Variants in CHRM3 observed in about 807,000 individuals in gnomAD.
CHRM3 encodes the protein muscarinic acetylcholine receptor M3.
Under a neutral mutation model 41.8 loss-of-function variants are expected in CHRM3, and 11 were observed. The ratio of observed to expected loss-of-function variants is 0.26; its 90% CI spans 0.17 to 0.44. The LOEUF (loss-of-function observed/expected upper bound fraction) is 0.44. Among genes scored for constraint, CHRM3 ranks in the 20% least tolerant of loss-of-function variants. The probability of loss-of-function intolerance (pLI) is 1.00; values close to 1 mark genes in which losing one functional copy is unlikely to be tolerated. For synonymous variants in CHRM3, 297 were observed against 301.4 expected, an observed-to-expected ratio of 0.99 and a Z score of 0.15; for missense variants, 571 against 745.4, an observed-to-expected ratio of 0.77 and a Z score of 2.72.
intron 6 of CHRM3, among the ~76,000 whole-genome samples, chr1:239,843,436 C>G (rs1673990933): frequency 7.2e-6 from 1 of 139,024 alleles, no homozygotes; most frequent in Non-Finnish European, 1.5e-5. Context: ...CTTTTTATCT[C>G]ACTCGCTTTC....
chr1:239,683,549 T>A (rs942112313), intron 5 of CHRM3, among the ~76,000 whole-genome samples: 6 of 152,192 alleles, frequency 3.9e-5, no homozygotes, highest in African/African-American at 1.4e-4. Flanking sequence ...CTTTTTTACT[T>A]TTTTCTGCCA....
intron 5 of CHRM3, chr1:239,718,845 AT>A: frequency 6.6e-6 from 1 of 152,038 alleles, no homozygotes; most frequent in East Asian, 1.9e-4. Flanking sequence ...AGGAACAGGC[AT>A]TATACGCAAG....
intron 3 of CHRM3, among the ~76,000 whole-genome samples, chr1:239,578,153 T>C (rs1329959489): frequency 1.3e-5 from 2 of 152,298 alleles, no homozygotes; most frequent in Non-Finnish European, 2.9e-5. Context: ...CACAGACCAT[T>C]GTCTCTATAG....
intron 1 of CHRM3, among the ~76,000 whole-genome samples, chr1:239,450,446 C>T (rs2103316621): frequency 6.6e-6 from 1 of 152,214 alleles, no homozygotes. Context: ...TAAATCATGT[C>T]CATTTGTTCA....
chr1:239,455,964 G>A (rs1057356503), intron 1 of CHRM3, among the ~76,000 whole-genome samples: 2 of 152,152 alleles, frequency 1.3e-5, no homozygotes, highest in East Asian at 1.9e-4. Context: ...TGCTGTAGAC[G>A]AGGAAATGGG....
chr1:239,455,724 T>C (rs1293270016), intron 1 of CHRM3, among the ~76,000 whole-genome samples: 2 of 152,218 alleles, frequency 1.3e-5, no homozygotes, highest in Non-Finnish European at 2.9e-5. Flanking sequence ...AAAAAGTTTT[T>C]AAAAAATTTA....
intron 1 of CHRM3, among the ~76,000 whole-genome samples, chr1:239,424,739 G>A (rs1483788130): frequency 6.6e-6 from 1 of 152,152 alleles, no homozygotes; most frequent in Non-Finnish European, 1.5e-5. Context: ...CCACTCAATG[G>A]CCTAAAAGAA....
chr1:239,594,522 G>A (rs576867506), intron 3 of CHRM3, among the ~76,000 whole-genome samples: 1 of 152,268 alleles, frequency 6.6e-6, no homozygotes, highest in African/African-American at 2.4e-5. Flanking sequence ...GTTGTCATTG[G>A]TGAAAAGGCT....
chr1:239,494,407 A>G (rs1355314686), intron 2 of CHRM3, among the ~76,000 whole-genome samples: 1 of 152,136 alleles, frequency 6.6e-6, no homozygotes, highest in Non-Finnish European at 1.5e-5. Context: ...AATCCGTACT[A>G]TGTGCACTTC....
At chr1:239,418,854 C>A (rs1351886172) in intron 1 of CHRM3, among the ~76,000 whole-genome samples, 1 of 152,130 alleles carries the variant, frequency 6.6e-6, no homozygotes, top group African/African-American at 2.4e-5. Context: ...CTTCACAGGA[C>A]ACTAATGCAG....
At chr1:239,811,156 A>C (rs968752629) in intron 5 of CHRM3, among the ~76,000 whole-genome samples, 1 of 152,200 alleles carries the variant, frequency 6.6e-6, no homozygotes, top group Non-Finnish European at 1.5e-5. Flanking sequence ...TAGCATTTCA[A>C]GGTATCCCAG....
chr1:239,909,233 T>C lies in CHRM3; in HGVS notation c.*9T>C. On this transcript the variant is annotated 3_prime_UTR_variant, in exon 7 of 7. Coordinates refer to ENST00000676153, the MANE Select transcript of CHRM3 (RefSeq NM_001375978.1). Reference sequence around the variant, plus strand: ...CCGAGCAGGCCTTGTAGAATGAGGTTGTATCAATAGCAGTGACAAAACGCA... The same window carrying C: ...CCGAGCAGGCCTTGTAGAATGAGGTCGTATCAATAGCAGTGACAAAACGCA... 6.3e-7 allele frequency: 1 copy of C among 1,591,260 alleles called. No homozygotes were observed. Among genetic ancestry groups the C allele is most frequent in the Non-Finnish European group, 8.5e-7 (1 of 1,169,918 alleles).
chr1:239,739,119 C>A (rs1267191206), intron 5 of CHRM3, among the ~76,000 whole-genome samples: 1 of 152,134 alleles, frequency 6.6e-6, no homozygotes, highest in East Asian at 1.9e-4. Flanking sequence ...CAGCCAAGAA[C>A]ATTGTAGCAA....
At chr1:239,817,774 G>A (rs1267777393) in intron 5 of CHRM3, among the ~76,000 whole-genome samples, 1 of 152,096 alleles carries the variant, frequency 6.6e-6, no homozygotes, top group African/African-American at 2.4e-5. Context: ...TCAGGGAACT[G>A]TGATTCCGTC....
chr1:239,637,035 AT>A (rs1670532234), intron 4 of CHRM3, among the ~76,000 whole-genome samples: 3 of 152,362 alleles, frequency 2.0e-5, no homozygotes, highest in South Asian at 2.1e-4. Flanking sequence ...GGAAGAGAAA[AT>A]AAAAAGTATT....
At chr1:239,878,749 G>T (rs1409798252) in intron 6 of CHRM3, among the ~76,000 whole-genome samples, 1 of 152,110 alleles carries the variant, frequency 6.6e-6, no homozygotes, top group Non-Finnish European at 1.5e-5. Context: ...TCTGCCCTCA[G>T]ATGATTACAG....
chr1:239,665,164 G>GA (rs56144752), intron 4 of CHRM3, among the ~76,000 whole-genome samples: 3,679 of 119,418 alleles, frequency 0.031, 112 homozygotes, highest in African/African-American at 0.085. Flanking sequence ...GTTTTTCTCT[G>GA]AAAAAAAAAA....
intron 3 of CHRM3, among the ~76,000 whole-genome samples, chr1:239,596,717 G>T (rs187965195): frequency 6.6e-6 from 1 of 152,216 alleles, no homozygotes; most frequent in Admixed American, 6.5e-5. Flanking sequence ...TCAGTGTCTA[G>T]AATGTGAAAC....
chr1:239,845,251 A>G (rs1403687379), intron 6 of CHRM3, among the ~76,000 whole-genome samples: 1 of 152,228 alleles, frequency 6.6e-6, no homozygotes, highest in East Asian at 1.9e-4. Flanking sequence ...AATAAGAGGT[A>G]GCAAAACAGC....
Sources: gnomAD v4.1 joint callset for allele counts (sites outside exome capture counted in the v4.1 genomes callset) on GRCh38, gnomAD v4.1.1 for gene constraint, MANE v1.5 for transcripts, NCBI Gene and HGNC (gene_info 2026-07-23, HGNC 2026-07-21) for gene names.